Variants in ACER3 observed in about 807,000 individuals in gnomAD.
The protein encoded by ACER3 is alkCDase 3.
A neutral mutation model predicts 48.9 loss-of-function variants in ACER3; 16 were observed. The ratio of observed to expected loss-of-function variants is 0.33; its 90% confidence interval spans 0.22 to 0.50. The LOEUF (loss-of-function observed/expected upper bound fraction) is 0.50, where lower values mean the gene tolerates loss of function less well. ACER3 is among the 20% of genes least tolerant of loss of function. ACER3 has a pLI of 0.98. For synonymous variants in ACER3, 109 were observed against 107.8 expected, an observed-to-expected ratio of 1.01 and a Z score of -0.07; for missense variants, 227 against 326.0, an observed-to-expected ratio of 0.70 and a Z score of 2.34.
At chr11:76,972,158 A>G (rs1179759244) in intron 3 of ACER3, among the ~76,000 whole-genome samples, 1 of 152,200 alleles carries the variant, frequency 6.6e-6, no homozygotes, top group Non-Finnish European at 1.5e-5. Flanking sequence ...TTGCTGGGTC[A>G]TTTAACCTTT....
At chr11:76,951,298 T>C (rs924249695) in intron 2 of ACER3, among the ~76,000 whole-genome samples, 1 of 152,228 alleles carries the variant, frequency 6.6e-6, no homozygotes, top group Non-Finnish European at 1.5e-5. Flanking sequence ...CTGATTTTTA[T>C]AACTAGAAGG....
chr11:76,956,913 T>A (rs1396160725), intron 2 of ACER3, among the ~76,000 whole-genome samples: 1 of 152,092 alleles, frequency 6.6e-6, no homozygotes, highest in Non-Finnish European at 1.5e-5. Flanking sequence ...TACAATCTAG[T>A]GATTTTTTTA....
At chr11:76,998,680 G>T in intron 6 of ACER3, 83 bp from the exon 7 acceptor site, 1 of 863,456 alleles carries the variant, frequency 1.2e-6, no homozygotes. Context: ...CATTTAATTG[G>T]GAAGGCTATT....
rs375377058 is a variant in ACER3 at position 77,015,125 on chromosome 11, A to G, written c.599+8A>G. 3.6e-6 allele frequency: 5 copies of G among 1,372,368 alleles called. No individual in the cohort carries two copies. In the African/African-American group the frequency reaches 4.3e-5, roughly 12 times the overall value. The allele number at this position is 1,372,368 out of a possible 1,614,324, so 85.0% of individuals were successfully genotyped here. A position where few individuals can be genotyped will look rare whatever the true frequency, so the allele number is the denominator to read the frequency against. On this transcript the variant is annotated splice_region_variant and intron_variant, in intron 8 of 10. Coordinates refer to ENST00000532485, the MANE Select transcript of ACER3 (RefSeq NM_018367.7). ...ATTTTGTGAGTCACTGAGGTAAGAT[A>G]TATTTTCATTCCTTCAGAAATATTT...
At chr11:76,916,301 A>G (rs1054533860) in intron 1 of ACER3, among the ~76,000 whole-genome samples, 7 of 152,150 alleles carry the variant, frequency 4.6e-5, no homozygotes, top group African/African-American at 1.2e-4. Flanking sequence ...AAAATTTGGA[A>G]CTAGTTTAAT....
intron 1 of ACER3, among the ~76,000 whole-genome samples, chr11:76,906,848 G>A (rs778908680): frequency 4.6e-5 from 7 of 152,040 alleles, no homozygotes; most frequent in African/African-American, 4.8e-5. Flanking sequence ...GGCATGAGCC[G>A]CCATGCCTGG....
chr11:76,986,959 A>G (rs899038207), intron 5 of ACER3, among the ~76,000 whole-genome samples: 1 of 152,112 alleles, frequency 6.6e-6, no homozygotes, highest in African/African-American at 2.4e-5. Context: ...GCAGCTACTC[A>G]GGAGGCTGAG....
Position 76,958,622 on chromosome 11 carries a change from T to G in ACER3, c.215-357T>G, listed in dbSNP as rs558085738. Among the ~76,000 whole-genome samples the G allele has an allele frequency of 2.0e-5, 3 of 152,334 alleles. No homozygotes were observed. In the East Asian group the frequency reaches 5.8e-4, roughly 29 times the overall value. Reference sequence around the variant, plus strand: ...GTTCAGGAACAAACTGACTGGCTCTTAGTAAGCATACACCTTAGCCATTTG... The same window carrying G: ...GTTCAGGAACAAACTGACTGGCTCTGAGTAAGCATACACCTTAGCCATTTG... On this transcript the variant is annotated intron_variant, in intron 2 of 10. Coordinates refer to ENST00000532485, the MANE Select transcript of ACER3 (RefSeq NM_018367.7).
At position 77,016,700 on chromosome 11, in the gene ACER3, A is replaced by G. The variant is rs781866402; in HGVS notation, c.625A>G (p.Ile209Val). 3.8e-6 allele frequency: 6 copies of G among 1,595,902 alleles called. No individual in the cohort carries two copies. The African/African-American group carries it at 5.4e-5, about 14-fold the overall frequency. Reference protein sequence around the residue: ...LRNFRKKVPPIIGITTQFHAW... With the variant: ...LRNFRKKVPPVIGITTQFHAW... ...GAACTTTCGAAAGAAGGTACCACCTATCATAGGTATTACCACACAATTTCA... is the reference window on the plus strand; with the variant it reads ...GAACTTTCGAAAGAAGGTACCACCTGTCATAGGTATTACCACACAATTTCA... The change falls in exon 9 of 11, where the codon ATC becomes GTC. Residue 209 changes from isoleucine to valine, a missense_variant. Transcript: ENST00000532485.
intron 1 of ACER3, among the ~76,000 whole-genome samples, chr11:76,913,119 C>A (rs1946428253): frequency 6.6e-6 from 1 of 152,102 alleles, no homozygotes; most frequent in African/African-American, 2.4e-5. Flanking sequence ...GTATTTTATT[C>A]TCTTTGAAGC....
intron 1 of ACER3, among the ~76,000 whole-genome samples, chr11:76,890,978 G>C (rs898993543): frequency 1.3e-5 from 2 of 151,990 alleles, no homozygotes; most frequent in African/African-American, 4.8e-5. Context: ...AATTAGCCAG[G>C]CATGGTGGCA....
intron 9 of ACER3, among the ~76,000 whole-genome samples, chr11:77,018,974 T>C (rs2135336490): frequency 1.3e-5 from 2 of 152,374 alleles, no homozygotes; most frequent in South Asian, 4.1e-4. Flanking sequence ...AGTTTCAGTG[T>C]AGATGAAACA....
intron 2 of ACER3, among the ~76,000 whole-genome samples, chr11:76,957,221 A>G (rs1466232662): frequency 6.6e-6 from 1 of 152,188 alleles, no homozygotes; most frequent in African/African-American, 2.4e-5. Flanking sequence ...CTCAGCATCT[A>G]TAACTGAATT....
chr11:77,019,671 C>A, intron 9 of ACER3, 60 bp from the exon 10 acceptor site: 1 of 1,529,646 alleles, frequency 6.5e-7, no homozygotes, highest in Non-Finnish European at 9.1e-7. Context: ...TGTCAGTACG[C>A]CAGTTTGCAT....
intron 3 of ACER3, among the ~76,000 whole-genome samples, chr11:76,965,356 A>G (rs1025276421): frequency 6.6e-6 from 1 of 151,430 alleles, no homozygotes; most frequent in African/African-American, 2.5e-5. Context: ...AGTGACAGGG[A>G]GAATGGAACC....
rs538380846 is a variant in ACER3, at chr11:76,870,866, C to T, written c.103+9787C>T. 3.9e-5 allele frequency among the ~76,000 whole-genome samples: 6 copies of T among 152,242 alleles called. No homozygotes were observed. In the South Asian group the frequency reaches 1.0e-3, roughly 26 times the overall value. On this transcript the variant is annotated intron_variant, in intron 1 of 10. Transcript: ENST00000532485. Reference sequence around the variant, plus strand: ...AGCATAATATTTTCATTACAGTCTTCTTGTGGATAAATGTGATTTTTGAAA... The same window carrying T: ...AGCATAATATTTTCATTACAGTCTTTTTGTGGATAAATGTGATTTTTGAAA...
intron 1 of ACER3, among the ~76,000 whole-genome samples, chr11:76,892,948 C>G (rs1317412331): frequency 1.3e-5 from 2 of 152,010 alleles, no homozygotes; most frequent in African/African-American, 4.8e-5. Context: ...TAGAACTGAT[C>G]AATAAATTCA....
Position 76,909,512 on chromosome 11 carries a change from T to C in ACER3, c.104-17045T>C, listed in dbSNP as rs1454091331. ...GACATTTATATGGCCAACAAACATATGAAAAAAAGCTAATCATCACCGGTC... is the reference window on the plus strand; with the variant it reads ...GACATTTATATGGCCAACAAACATACGAAAAAAAGCTAATCATCACCGGTC... On this transcript the variant is annotated intron_variant, in intron 1 of 10. Transcript: ENST00000532485. Among the ~76,000 whole-genome samples, 3 of 151,876 alleles carry C rather than the reference T, an allele frequency of 2.0e-5. No homozygotes were observed. The South Asian group carries it at 6.2e-4, about 32-fold the overall frequency.
chr11:76,918,616 C>T (rs1317263017), intron 1 of ACER3, among the ~76,000 whole-genome samples: 2 of 151,156 alleles, frequency 1.3e-5, no homozygotes, highest in African/African-American at 2.5e-5. Flanking sequence ...TAATTCTTAA[C>T]ACAGCAAGAT....
Sources: gnomAD v4.1 joint callset for allele counts (sites outside exome capture counted in the v4.1 genomes callset) on GRCh38, gnomAD v4.1.1 for gene constraint, MANE v1.5 for transcripts, NCBI Gene and HGNC (gene_info 2026-07-23, HGNC 2026-07-21) for gene names.